AGBL1: variants seen among roughly 807,000 people sequenced by gnomAD.
The protein encoded by AGBL1 is AGBL carboxypeptidase 1, also known as cytosolic carboxypeptidase 4.
Under a neutral mutation model 118.9 loss-of-function variants are expected in AGBL1, and 130 were observed. The observed-to-expected ratio is 1.09, with a 90% CI of 0.95 to 1.26. The LOEUF (loss-of-function observed/expected upper bound fraction) is 1.26, where lower values mean the gene tolerates loss of function less well. Ranked by LOEUF, AGBL1 falls within the 50% of genes most tolerant of loss-of-function variation. The pLI, the probability that AGBL1 is intolerant of heterozygous loss-of-function variation, is 0.00. For missense variants in AGBL1, 1,584 were observed against 1,298.1 expected (o/e 1.22, Z -3.38); for synonymous variants, 555 against 478.9 (o/e 1.16, Z -2.08).
intron 22 of AGBL1, among the ~76,000 whole-genome samples, chr15:86,720,957 T>G (rs1293294639): frequency 2.6e-5 from 4 of 152,104 alleles, no homozygotes; most frequent in Admixed American, 1.3e-4. Context: ...AGGAAGAAGT[T>G]GAATCTCTGA....
At chr15:86,723,715 A>T (rs1383318001) in intron 22 of AGBL1, among the ~76,000 whole-genome samples, 1 of 152,210 alleles carries the variant, frequency 6.6e-6, no homozygotes, top group African/African-American at 2.4e-5. Context: ...ACTAGAACTT[A>T]TATATGGCAA....
chr15:86,114,882 G>A (rs1178177046), intron 1 of AGBL1, among the ~76,000 whole-genome samples: 1 of 152,172 alleles, frequency 6.6e-6, no homozygotes, highest in Non-Finnish European at 1.5e-5. Flanking sequence ...GCCTCGTTCT[G>A]ATGAGATTCA....
intron 22 of AGBL1, among the ~76,000 whole-genome samples, chr15:86,724,478 G>A (rs959110118): frequency 9.9e-5 from 15 of 152,196 alleles, no homozygotes; most frequent in South Asian, 2.1e-4. Flanking sequence ...CATCATGGAT[G>A]AATAGCAATA....
At chr15:86,468,472 C>A (rs1220771384) in intron 18 of AGBL1, among the ~76,000 whole-genome samples, 1 of 152,156 alleles carries the variant, frequency 6.6e-6, no homozygotes, top group African/African-American at 2.4e-5. Context: ...TTGATTCAGG[C>A]TAATTCCAGG....
rs74027103 is a variant in AGBL1 at position 86,802,798 on chromosome 15, A to G, written c.3159-104289A>G. On this transcript the variant is annotated intron_variant, in intron 22 of 22. Coordinates refer to ENST00000614907, the MANE Select transcript of AGBL1 (RefSeq NM_001386094.1). ...TTGTGGTCAGACAGACCTGCATTTA[A>G]ACTGAACCTCAGTCATCCACTAATT... 4.9e-3 allele frequency among the ~76,000 whole-genome samples: 747 copies of G among 152,236 alleles called. 8 individuals carry two copies. The highest frequency in any genetic ancestry group is 0.017 in the African/African-American group (708 of 41,562).
At position 86,647,186 on chromosome 15, in the gene AGBL1, ATCT is replaced by A. The variant is rs138872357; in HGVS notation, c.2995-27085_2995-27083del. Among the ~76,000 whole-genome samples the A allele has an allele frequency of 2.7e-3, 404 of 152,314 alleles. 4 individuals are homozygous for A. The highest frequency in any genetic ancestry group is 9.4e-3 in the African/African-American group (392 of 41,580). The stretch of plus-strand genomic sequence containing the variant: ...ATAGTTTAAAAATCTTAATTTTAAT[ATCT>A]TTTTTTTACTGCATAGGTAGTAAAA... On this transcript the variant is annotated intron_variant, in intron 21 of 22. Transcript: ENST00000614907.
At chr15:86,696,316 C>G (rs1276265788) in intron 22 of AGBL1, among the ~76,000 whole-genome samples, 1 of 151,846 alleles carries the variant, frequency 6.6e-6, no homozygotes, top group African/African-American at 2.4e-5. Flanking sequence ...TGGACAAAGC[C>G]TTTTATCATT....
chr15:86,162,452 G>T (rs2077280171), intron 5 of AGBL1, among the ~76,000 whole-genome samples: 1 of 152,148 alleles, frequency 6.6e-6, no homozygotes. Flanking sequence ...ATTTACAACA[G>T]AAGCTCCAAC....
chr15:86,821,232 CG>C (rs1182299688), intron 22 of AGBL1, among the ~76,000 whole-genome samples: 4 of 151,880 alleles, frequency 2.6e-5, no homozygotes, highest in African/African-American at 9.7e-5. Context: ...ATATAGATGA[CG>C]GGTTGATGAG....
chr15:86,385,490 T>G (rs539991026), intron 17 of AGBL1, among the ~76,000 whole-genome samples: 3 of 152,144 alleles, frequency 2.0e-5, no homozygotes, highest in Non-Finnish European at 4.4e-5. Context: ...CACACACACT[T>G]TGAAGTTTGA....
intron 22 of AGBL1, among the ~76,000 whole-genome samples, chr15:86,770,133 A>T (rs997026225): frequency 1.3e-5 from 2 of 151,964 alleles, no homozygotes; most frequent in Non-Finnish European, 2.9e-5. Flanking sequence ...TTCCTTTATA[A>T]ATGAAAAACT....
chr15:86,215,544 T>C (rs2078174225), intron 5 of AGBL1, among the ~76,000 whole-genome samples: 1 of 152,116 alleles, frequency 6.6e-6, no homozygotes, highest in African/African-American at 2.4e-5. Context: ...GTGCTCAATG[T>C]GGTGTTGGAC....
intron 22 of AGBL1, among the ~76,000 whole-genome samples, chr15:86,800,400 C>T (rs1260549471): frequency 6.6e-6 from 1 of 151,958 alleles, no homozygotes; most frequent in Non-Finnish European, 1.5e-5. Flanking sequence ...GCAAATAGTA[C>T]ATCTTAGAAG....
chr15:86,985,213 G>A (rs2081270278), intron 23 of AGBL1, among the ~76,000 whole-genome samples: 1 of 152,142 alleles, frequency 6.6e-6, no homozygotes. Flanking sequence ...CATGTACAAT[G>A]CTTTGTGTAG....
At chr15:86,736,207 C>A (rs555749543) in intron 22 of AGBL1, among the ~76,000 whole-genome samples, 1 of 152,152 alleles carries the variant, frequency 6.6e-6, no homozygotes, top group African/African-American at 2.4e-5. Context: ...ATGGTGAAAC[C>A]CATCTCTACT....
intron 24 of AGBL1, among the ~76,000 whole-genome samples, chr15:86,994,225 T>A (rs35613501): frequency 4.6e-5 from 7 of 152,118 alleles, no homozygotes; most frequent in Non-Finnish European, 7.4e-5. Flanking sequence ...AGCCTTGGAA[T>A]TGAGATGGCC....
chr15:86,473,291 C>T (rs945978259), intron 18 of AGBL1, among the ~76,000 whole-genome samples: 3 of 152,014 alleles, frequency 2.0e-5, no homozygotes, highest in African/African-American at 7.3e-5. Context: ...GAGGCCCCCT[C>T]CCAGGGCCAT....
At chr15:86,560,712 C>T (rs1017192699) in intron 21 of AGBL1, among the ~76,000 whole-genome samples, 1 of 152,148 alleles carries the variant, frequency 6.6e-6, no homozygotes, top group African/African-American at 2.4e-5. Flanking sequence ...GAGGAATCGC[C>T]ACACTGTCTT....
intron 17 of AGBL1, among the ~76,000 whole-genome samples, chr15:86,303,826 A>T (rs569950117): frequency 5.9e-5 from 9 of 152,216 alleles, no homozygotes; most frequent in Non-Finnish European, 2.9e-5. Context: ...TATTTACAAA[A>T]CAATTACATA....
Sources: gnomAD v4.1 joint callset for allele counts (sites outside exome capture counted in the v4.1 genomes callset) on GRCh38, gnomAD v4.1.1 for gene constraint, MANE v1.5 for transcripts, NCBI Gene and HGNC (gene_info 2026-07-23, HGNC 2026-07-21) for gene names.